The following MBD5 variants were observed in gnomAD, a reference collection of about 807,000 sequenced individuals.
MBD5 encodes the protein methyl-CpG binding domain protein 5, also known as methyl-CpG-binding domain protein 5.
A neutral mutation model predicts 117.3 loss-of-function variants in MBD5; 13 were observed. The ratio of observed to expected loss-of-function variants is 0.11; its 90% CI spans 0.07 to 0.18. The LOEUF (loss-of-function observed/expected upper bound fraction) is 0.18. MBD5 is among the 10% of genes least tolerant of loss of function. The probability of loss-of-function intolerance (pLI) is 1.00; values close to 1 mark genes in which losing one functional copy is unlikely to be tolerated. For missense variants in MBD5, 1,879 were observed against 2,093.8 expected (o/e 0.90, Z 2.00); for synonymous variants, 727 against 766.4 (o/e 0.95, Z 0.85).
At chr2:148,343,355 T>G (rs1224008607) in intron 4 of MBD5, among the ~76,000 whole-genome samples, 1 of 152,072 alleles carries the variant, frequency 6.6e-6, no homozygotes, top group East Asian at 1.9e-4. Context: ...TCCAAACTGC[T>G]TTCCACAGTG....
chr2:148,227,397 C>G (rs1406442449), intron 2 of MBD5, among the ~76,000 whole-genome samples: 15 of 152,148 alleles, frequency 9.9e-5, no homozygotes. Context: ...TTGTTTTTCT[C>G]AGGTTTGTCA....
chr2:148,391,323 T>G (rs1386827364), intron 4 of MBD5, among the ~76,000 whole-genome samples: 2 of 152,174 alleles, frequency 1.3e-5, no homozygotes, highest in African/African-American at 4.8e-5. Context: ...CATATGAGTA[T>G]ATATTTTAGC....
intron 11 of MBD5, among the ~76,000 whole-genome samples, chr2:148,500,411 A>G (rs1681836616): frequency 6.6e-6 from 1 of 152,108 alleles, no homozygotes; most frequent in Non-Finnish European, 1.5e-5. Context: ...TGGTCACGTT[A>G]TTTAAATGCA....
chr2:148,336,512 T>A (rs538772958), intron 3 of MBD5, among the ~76,000 whole-genome samples: 1 of 152,000 alleles, frequency 6.6e-6, no homozygotes, highest in African/African-American at 2.4e-5. Flanking sequence ...TCAGCCTCCC[T>A]TGTAGCTGGG....
intron 3 of MBD5, among the ~76,000 whole-genome samples, chr2:148,272,383 A>G (rs908748647): frequency 6.6e-6 from 1 of 152,228 alleles, no homozygotes. Flanking sequence ...GACTATACTA[A>G]TTAACATTTC....
At chr2:148,445,292 C>G (rs559823636) in intron 4 of MBD5, among the ~76,000 whole-genome samples, 1 of 151,116 alleles carries the variant, frequency 6.6e-6, no homozygotes, top group South Asian at 2.1e-4. Context: ...CCCGCTCCCC[C>G]CACCCCATGA....
chr2:148,515,057 G>A lies in MBD5; in HGVS notation c.*2116G>A, dbSNP rs1574511167. 1 of 152,192 alleles carries A rather than the reference G, an allele frequency of 6.6e-6. No individual in the cohort carries two copies. The highest frequency in any genetic ancestry group is 1.5e-5 in the Non-Finnish European group (1 of 68,030). The allele number at this position is 152,192 out of a possible 1,614,324, so 9.4% of individuals were successfully genotyped here. ...TATAAGTTAAAAGTTGATGTGGCTAGTATGTTTAAACCATTAATGTCCATT... is the reference window on the plus strand; with the variant it reads ...TATAAGTTAAAAGTTGATGTGGCTAATATGTTTAAACCATTAATGTCCATT... On this transcript the variant is annotated 3_prime_UTR_variant, in exon 14 of 14. Coordinates refer to ENST00000642680, the MANE Select transcript of MBD5 (RefSeq NM_001378120.1).
chr2:148,228,518 T>C (rs1013593490), intron 2 of MBD5, among the ~76,000 whole-genome samples: 1 of 152,202 alleles, frequency 6.6e-6, no homozygotes, highest in African/African-American at 2.4e-5. Flanking sequence ...TTTGCCAGTA[T>C]TTTATTGAGG....
chr2:148,395,563 C>T (rs1332484328), intron 4 of MBD5, among the ~76,000 whole-genome samples: 1 of 151,510 alleles, frequency 6.6e-6, no homozygotes, highest in Non-Finnish European at 1.5e-5. Flanking sequence ...TAGCTGGGAT[C>T]ACAGGCATGC....
chr2:148,375,024 T>C (rs1246431295), intron 4 of MBD5, among the ~76,000 whole-genome samples: 2 of 152,178 alleles, frequency 1.3e-5, no homozygotes, highest in Non-Finnish European at 2.9e-5. Context: ...ATAAATATTA[T>C]GCTAAATATC....
At chr2:148,105,862 A>G (rs1696358819) in intron 1 of MBD5, among the ~76,000 whole-genome samples, 1 of 152,038 alleles carries the variant, frequency 6.6e-6, no homozygotes. Context: ...TATACAACAA[A>G]ATTGTATTTA....
chr2:148,245,191 C>T (rs375444854), intron 3 of MBD5, among the ~76,000 whole-genome samples: 14 of 152,210 alleles, frequency 9.2e-5, no homozygotes, highest in African/African-American at 2.9e-4. Context: ...TCAAAACCAG[C>T]CTGGGAAACA....
chr2:148,233,463 T>A (rs1700033434), intron 3 of MBD5, 68 bp downstream of exon 3: 1 of 152,202 alleles, frequency 6.6e-6, no homozygotes, highest in Non-Finnish European at 1.5e-5. Context: ...TAGAATTATA[T>A]TGGGTTTTAA....
chr2:148,322,273 T>C (rs1005850888), intron 3 of MBD5, among the ~76,000 whole-genome samples: 7 of 152,238 alleles, frequency 4.6e-5, no homozygotes, highest in Non-Finnish European at 1.0e-4. Context: ...TAGCTTCATT[T>C]ATAACGTTCA....
chr2:148,470,130 T>G lies in MBD5; in HGVS notation c.2187T>G (p.Ala729=), dbSNP rs561323622. The part of the protein sequence containing the change: ...STPGCGASNT[A]LPCSANQLHF... Reference sequence around the variant, plus strand: ...CGGGTTGTGGGGCCTCAAATACTGCTTTGCCTTGCTCTGCTAACCAGCTGC... The same window carrying G: ...CGGGTTGTGGGGCCTCAAATACTGCGTTGCCTTGCTCTGCTAACCAGCTGC... Residue 729 remains alanine (A), a synonymous_variant, in exon 8 of 14, where the codon GCT becomes GCG. Transcript: ENST00000642680. 6.2e-7 allele frequency: 1 copy of G among 1,613,872 alleles called. No homozygotes were observed. The highest frequency in any genetic ancestry group is 1.1e-5 in the South Asian group (1 of 91,074).
At position 148,138,286 on chromosome 2, in the gene MBD5, A is replaced by G. The variant is rs138921705; in HGVS notation, c.-924-40414A>G. Among the ~76,000 whole-genome samples the G allele has an allele frequency of 8.4e-4, 128 of 152,298 alleles. 2 individuals carry two copies. In the East Asian group the frequency reaches 0.024, roughly 28 times the overall value. On this transcript the variant is annotated intron_variant, in intron 1 of 13. Coordinates refer to ENST00000642680, the MANE Select transcript of MBD5 (RefSeq NM_001378120.1). ...CATATGAGATATTTCTATTATTCTCATGTTACAGATGTAATAAATGAGGTA... is the reference window on the plus strand; with the variant it reads ...CATATGAGATATTTCTATTATTCTCGTGTTACAGATGTAATAAATGAGGTA...
chr2:148,108,080 C>T (rs562280998), intron 1 of MBD5, among the ~76,000 whole-genome samples: 3 of 151,900 alleles, frequency 2.0e-5, no homozygotes, highest in South Asian at 2.1e-4. Flanking sequence ...TCCTCTCCCC[C>T]GAGTTCCAAA....
At position 148,438,703 on chromosome 2, in the gene MBD5, G is replaced by A. The variant is rs1290560336; in HGVS notation, c.-556-19500G>A. Among the ~76,000 whole-genome samples, 3 of 152,280 alleles carry A rather than the reference G, an allele frequency of 2.0e-5. No individual in the cohort carries two copies. In the East Asian group the frequency reaches 5.8e-4, roughly 29 times the overall value. On this transcript the variant is annotated intron_variant, in intron 4 of 13. Coordinates refer to ENST00000642680, the MANE Select transcript of MBD5 (RefSeq NM_001378120.1). ...TCTCATTGCAGGCCATCTGCAAGCT[G>A]GAGATCCTGGGATGCCACTGGTGTA...
At chr2:148,254,615 C>T (rs748779543) in intron 3 of MBD5, among the ~76,000 whole-genome samples, 17 of 152,120 alleles carry the variant, frequency 1.1e-4, no homozygotes, top group Non-Finnish European at 1.9e-4. Flanking sequence ...CCAGGTACAA[C>T]GTCTGCTGGT....
Sources: allele counts gnomAD v4.1 joint callset (sites outside exome capture counted in the v4.1 genomes callset), GRCh38; gene constraint gnomAD v4.1.1; transcripts MANE v1.5; gene names NCBI Gene and HGNC (gene_info 2026-07-23, HGNC 2026-07-21).